The following OSBP variants were observed in gnomAD, a reference collection of about 807,000 sequenced individuals.
The protein encoded by OSBP is oxysterol binding protein, also known as oxysterol-binding protein 1.
Under a neutral mutation model 96.6 loss-of-function variants are expected in OSBP, and 32 were observed. The observed-to-expected ratio is 0.33, with a 90% CI of 0.25 to 0.45. The LOEUF (loss-of-function observed/expected upper bound fraction) is 0.45. Among genes scored for constraint, OSBP ranks in the 20% least tolerant of loss-of-function variants. The pLI, the probability that OSBP is intolerant of heterozygous loss-of-function variation, is 1.00. For synonymous variants in OSBP, 369 were observed against 389.6 expected (o/e 0.95, Z 0.62); for missense variants, 653 against 1,029.7 (o/e 0.63, Z 5.01).
At chr11:59,608,792 C>G in intron 2 of OSBP, 58 bp from the exon 3 acceptor site, 1 of 1,545,084 alleles carries the variant, frequency 6.5e-7, no homozygotes, top group African/African-American at 1.4e-5. Context: ...CAGTTGGAAC[C>G]CTACCTACTC....
rs1373557366 is a variant in OSBP, at chr11:59,582,260, G to GT, written c.1679-707dup. Among the ~76,000 whole-genome samples, 4 of 152,340 alleles carry GT rather than the reference G, an allele frequency of 2.6e-5. No homozygotes were observed. The East Asian group carries it at 7.7e-4, about 29-fold the overall frequency. On this transcript the variant is annotated intron_variant, in intron 9 of 13. Transcript: ENST00000263847. The stretch of plus-strand genomic sequence containing the variant: ...GCTCCACCATGTGATTAGAGACAGG[G>GT]TTTTGAGTCACCTGATATTGGGTCA...
At chr11:59,610,086 T>C (rs1200535027) in intron 2 of OSBP, among the ~76,000 whole-genome samples, 1 of 152,158 alleles carries the variant, frequency 6.6e-6, no homozygotes, top group Non-Finnish European at 1.5e-5. Flanking sequence ...TTTGGTATAT[T>C]ATAGGAGGTT....
chr11:59,583,464 T>TA (rs754519612), intron 9 of OSBP, among the ~76,000 whole-genome samples: 11 of 152,020 alleles, frequency 7.2e-5, no homozygotes, highest in Non-Finnish European at 1.5e-4. Context: ...AATTGGCAGA[T>TA]AAGGATCACA....
intron 3 of OSBP, among the ~76,000 whole-genome samples, chr11:59,606,580 T>C (rs1860783634): frequency 6.6e-6 from 1 of 152,214 alleles, no homozygotes; most frequent in Non-Finnish European, 1.5e-5. Context: ...TGTTGCGTAC[T>C]ACGTTCACTA....
Position 59,615,715 on chromosome 11 carries a change from C to T in OSBP, c.-51G>A, listed in dbSNP as rs552877087. 3.0e-5 allele frequency: 38 copies of T among 1,255,856 alleles called. No homozygotes were observed. The African/African-American group carries it at 5.3e-4, about 18-fold the overall frequency. The allele number at this position is 1,255,856 out of a possible 1,614,324, so 77.8% of individuals were successfully genotyped here. ...GACCGGAACCGCCTACGAGAGCCGC[C>T]GTCGCCGCCCGGAGCGCCCCACACG... On this transcript the variant is annotated 5_prime_UTR_variant, in exon 1 of 14. Transcript: ENST00000263847.
At chr11:59,612,798 CAGG>C (rs1465915777) in intron 1 of OSBP, among the ~76,000 whole-genome samples, 1 of 152,038 alleles carries the variant, frequency 6.6e-6, no homozygotes, top group African/African-American at 2.4e-5. Flanking sequence ...AGAAGCTAGC[CAGG>C]AGAACTAATA....
rs1860725572 is a variant in OSBP, at chr11:59,601,631, G to T, written c.1021+9C>A. On this transcript the variant is annotated intron_variant, in intron 4 of 13. Coordinates refer to ENST00000263847, the MANE Select transcript of OSBP (RefSeq NM_002556.3). ...TTAGACCAGGCTACCTGAGAGCTAAGTGTCTTACCTTTACCAGAACCCACA... is the reference window on the plus strand; with the variant it reads ...TTAGACCAGGCTACCTGAGAGCTAATTGTCTTACCTTTACCAGAACCCACA... The T allele has an allele frequency of 6.2e-7, 1 of 1,612,058 alleles. No individual in the cohort carries two copies. The highest frequency in any genetic ancestry group is 1.7e-5 in the Admixed American group (1 of 59,990).
At chr11:59,578,098 C>T (rs762918987) in intron 12 of OSBP, 51 bp downstream of exon 12, 1 of 1,563,988 alleles carries the variant, frequency 6.4e-7, no homozygotes, top group South Asian at 1.1e-5. Flanking sequence ...CAATATTGCT[C>T]CACAGTCAAG....
chr11:59,604,081 A>G (rs967578598), intron 3 of OSBP, among the ~76,000 whole-genome samples: 1 of 152,196 alleles, frequency 6.6e-6, no homozygotes, highest in Non-Finnish European at 1.5e-5. Context: ...TCACAGATCC[A>G]TCCCACTATC....
chr11:59,594,303 G>A, intron 7 of OSBP, 48 bp from the exon 8 acceptor site: 4 of 1,579,512 alleles, frequency 2.5e-6, no homozygotes, highest in Non-Finnish European at 3.4e-6. Context: ...TCATCTATAA[G>A]AGACAGTTTA....
chr11:59,574,510 C>A lies in OSBP; in HGVS notation c.*2067G>T, dbSNP rs1190059079. 3 of 150,610 alleles carry A rather than the reference C, an allele frequency of 2.0e-5. No homozygotes were observed. The highest frequency in any genetic ancestry group is 7.4e-5 in the African/African-American group (3 of 40,654). The allele number at this position is 150,610 out of a possible 1,614,324, so 9.3% of individuals were successfully genotyped here. The stretch of plus-strand genomic sequence containing the variant: ...TGTTTTGTTTTCATGTGACTTTATT[C>A]CACCTGAAAGATTCTAAACTTCTTC... On this transcript the variant is annotated 3_prime_UTR_variant, in exon 14 of 14. Coordinates refer to ENST00000263847, the MANE Select transcript of OSBP (RefSeq NM_002556.3).
chr11:59,577,101 A>G, intron 12 of OSBP, 76 bp from the exon 13 acceptor site: 3 of 1,170,622 alleles, frequency 2.6e-6, no homozygotes, highest in East Asian at 4.7e-5. Flanking sequence ...AACTAAGTAC[A>G]CTGCCAAGGC....
chr11:59,595,663 C>A (rs1410533982), intron 7 of OSBP, among the ~76,000 whole-genome samples: 1 of 151,980 alleles, frequency 6.6e-6, no homozygotes. Flanking sequence ...AACTTGGCCA[C>A]GTGTGGTGGC....
intron 3 of OSBP, among the ~76,000 whole-genome samples, chr11:59,604,912 G>A (rs1221694928): frequency 2.0e-5 from 3 of 151,308 alleles, no homozygotes; most frequent in African/African-American, 7.3e-5. Flanking sequence ...CCAGCACTTT[G>A]GGAGGCCTAG....
Position 59,610,421 on chromosome 11 carries a change from T to C in OSBP, c.531A>G (p.Glu177=), listed in dbSNP as rs1200251184. Residue 177 remains glutamate, a synonymous_variant, in exon 2 of 14, where the codon GAA becomes GAG. Coordinates refer to ENST00000263847, the MANE Select transcript of OSBP (RefSeq NM_002556.3). ...VERQRWVTAL[E]LAKAKAVKML... Reference sequence around the variant, plus strand: ...TCTTCACAGCTTTGGCCTTGGCCAGTTCCAGGGCCGTCACCCAGCGCTGCC... The same window carrying C: ...TCTTCACAGCTTTGGCCTTGGCCAGCTCCAGGGCCGTCACCCAGCGCTGCC... 3 of 1,613,720 alleles carry C rather than the reference T, an allele frequency of 1.9e-6. No homozygotes were observed. Among genetic ancestry groups the C allele is most frequent in the South Asian group, 2.2e-5 (2 of 91,066 alleles).
At chr11:59,604,622 A>C (rs1590677193) in intron 3 of OSBP, among the ~76,000 whole-genome samples, 1 of 152,128 alleles carries the variant, frequency 6.6e-6, no homozygotes, top group East Asian at 1.9e-4. Context: ...GAATTGCTTG[A>C]ACCCAAGAGG....
chr11:59,615,629 TG>T lies in OSBP; in HGVS notation c.35del (p.Pro12GlnfsTer101). 2 of 1,383,254 alleles carry T rather than the reference TG, an allele frequency of 1.4e-6. No homozygotes were observed. Among genetic ancestry groups the T allele is most frequent in the South Asian group, 1.6e-5 (1 of 64,096 alleles). The allele number at this position is 1,383,254 out of a possible 1,614,324, so 85.7% of individuals were successfully genotyped here. Reference sequence around the variant, plus strand: ...CAAGTGCTGCAATGGCTGCCGGGCCTGGCCCCACCACTCCTCTCAGCTCCGT... The same window carrying T: ...CAAGTGCTGCAATGGCTGCCGGGCCTGCCCCACCACTCCTCTCAGCTCCGT... ...AATELRGVVG[P>X]GPAAIAALGG... On this transcript the variant is annotated frameshift_variant, in exon 1 of 14. Transcript: ENST00000263847. LOFTEE classifies it high-confidence loss of function.
chr11:59,587,789 T>C (rs1590669957), intron 9 of OSBP, among the ~76,000 whole-genome samples: 1 of 152,210 alleles, frequency 6.6e-6, no homozygotes, highest in Admixed American at 6.5e-5. Flanking sequence ...AAGAATATAA[T>C]TGCCATGTGA....
chr11:59,611,050 G>A (rs1161240930), intron 1 of OSBP, among the ~76,000 whole-genome samples: 3 of 149,490 alleles, frequency 2.0e-5, no homozygotes, highest in Non-Finnish European at 3.0e-5. Context: ...CAGGAGAATC[G>A]CTTGAACTTG....
Sources: allele counts gnomAD v4.1 joint callset (sites outside exome capture counted in the v4.1 genomes callset), GRCh38; gene constraint gnomAD v4.1.1; transcripts MANE v1.5; gene names NCBI Gene and HGNC (gene_info 2026-07-23, HGNC 2026-07-21).